Variants in DNAH17 observed in about 807,000 individuals in gnomAD.
The protein encoded by DNAH17 is axonemal beta dynein heavy chain 17.
DNAH17 carries 376 observed loss-of-function variants against 485.6 expected under a neutral mutation model. The ratio of observed to expected loss-of-function variants is 0.77; its 90% CI spans 0.71 to 0.84. The LOEUF (loss-of-function observed/expected upper bound fraction) is 0.84. Among genes scored for constraint, DNAH17 ranks in the 40% least tolerant of loss-of-function variants. DNAH17 has a pLI of 0.00. For synonymous variants in DNAH17, 3,031 were observed against 2,405.9 expected, an observed-to-expected ratio of 1.26 and a Z score of -7.60; for missense variants, 6,370 against 5,839.3, an observed-to-expected ratio of 1.09 and a Z score of -2.96.
At chr17:78,500,575 C>T (rs1408424608) in intron 35 of DNAH17, 114 bp from the exon 36 acceptor site, 5 of 1,068,522 alleles carry the variant, frequency 4.7e-6, no homozygotes, top group African/African-American at 3.3e-5. Flanking sequence ...GTGGTACAAT[C>T]TTGGCTCACT....
intron 16 of DNAH17, among the ~76,000 whole-genome samples, chr17:78,550,441 G>A (rs774486554): frequency 2.5e-4 from 2 of 8,144 alleles, no homozygotes; most frequent in South Asian, 2.9e-3. Flanking sequence ...GAATGCAATG[G>A]CATTTGGAGA....
chr17:78,535,539 C>T (rs1248432354), intron 19 of DNAH17, among the ~76,000 whole-genome samples: 2 of 152,220 alleles, frequency 1.3e-5, no homozygotes, highest in African/African-American at 2.4e-5. Flanking sequence ...CGCGTACACA[C>T]ACGAGCACAC....
rs148739521 is a variant in DNAH17, at chr17:78,481,305, G to A, written c.7650-519C>T. 3.0e-4 allele frequency among the ~76,000 whole-genome samples: 46 copies of A among 151,516 alleles called. No homozygotes were observed. In the East Asian group the frequency reaches 8.2e-3, roughly 27 times the overall value. Reference sequence around the variant, plus strand: ...CTTTTAGTAGAGACTGGGTTTCACCGTGTTAGCCAGGATGGTCTTGATCTC... The same window carrying A: ...CTTTTAGTAGAGACTGGGTTTCACCATGTTAGCCAGGATGGTCTTGATCTC... On this transcript the variant is annotated intron_variant, in intron 48 of 80. Transcript: ENST00000389840.
intron 9 of DNAH17, 39 bp from the exon 10 acceptor site, chr17:78,567,205 A>G (rs1364409997): frequency 2.3e-5 from 36 of 1,560,042 alleles, no homozygotes; most frequent in Non-Finnish European, 3.1e-5. Context: ...CATCTTCACA[A>G]CCCAACTCAC....
chr17:78,457,466 T>A (rs1034781309), intron 62 of DNAH17, among the ~76,000 whole-genome samples: 9 of 152,192 alleles, frequency 5.9e-5, no homozygotes, highest in African/African-American at 2.2e-4. Context: ...ACCTCATTGA[T>A]AATTTTTATA....
intron 62 of DNAH17, among the ~76,000 whole-genome samples, chr17:78,457,846 A>G (rs1019073916): frequency 6.6e-6 from 1 of 151,960 alleles, no homozygotes; most frequent in Non-Finnish European, 1.5e-5. Flanking sequence ...TTTTTAGTAG[A>G]GACAGGGTTT....
Position 78,507,667 on chromosome 17 carries a change from G to T in DNAH17, c.4375C>A (p.Leu1459Met). The T allele has an allele frequency of 1.2e-6, 2 of 1,613,562 alleles. No homozygotes were observed. Among genetic ancestry groups the T allele is most frequent in the Non-Finnish European group, 8.5e-7 (1 of 1,180,008 alleles). ...LEDNQVQLQN[L>M]MMSKYLAHFL... Reference sequence around the variant, plus strand: ...TGGGCCAGGTACTTGGACATCATCAGGTTCTGCAGCTGCACCTGGTTGTCC... The same window carrying T: ...TGGGCCAGGTACTTGGACATCATCATGTTCTGCAGCTGCACCTGGTTGTCC... The change falls in exon 28 of 81, where the codon CTG becomes ATG. Residue 1459 changes from leucine (L) to methionine (M), a missense_variant. Transcript: ENST00000389840.
rs767951871 is a variant in DNAH17, at chr17:78,544,014, G to C, written c.2392-17C>G. 6.2e-7 allele frequency: 1 copy of C among 1,613,794 alleles called. No homozygotes were observed. Among genetic ancestry groups the C allele is most frequent in the African/African-American group, 1.3e-5 (1 of 74,926 alleles). ...CGACCAGTCCTGGAAGGAAAGCACA[G>C]GAGTGAGAAAAGGTGTTCTGGAGAA... On this transcript the variant is annotated splice_polypyrimidine_tract_variant and intron_variant, in intron 16 of 80. Coordinates refer to ENST00000389840, the MANE Select transcript of DNAH17 (RefSeq NM_173628.4).
chr17:78,501,903 C>A (rs1384451740), intron 33 of DNAH17, 30 bp from the exon 34 acceptor site: 15 of 1,612,616 alleles, frequency 9.3e-6, no homozygotes, highest in Non-Finnish European at 1.3e-5. Context: ...CGATGAGACA[C>A]CACGGGTGCC....
intron 7 of DNAH17, among the ~76,000 whole-genome samples, chr17:78,570,031 G>A (rs960577839): frequency 6.6e-5 from 10 of 152,184 alleles, no homozygotes; most frequent in East Asian, 1.9e-4. Flanking sequence ...CTCTGTCCCC[G>A]TCTTCCCTTT....
chr17:78,458,821 G>A (rs2146523426), intron 61 of DNAH17, 141 bp from the exon 62 acceptor site: 3 of 1,023,888 alleles, frequency 2.9e-6, no homozygotes, highest in Non-Finnish European at 4.5e-6. Context: ...GAGCATGGAG[G>A]CTAAGGACAC....
chr17:78,479,655 T>C (rs777733381), intron 49 of DNAH17, 23 bp from the exon 50 acceptor site: 10 of 1,610,608 alleles, frequency 6.2e-6, no homozygotes, highest in South Asian at 1.1e-5. Context: ...AACCAAACAC[T>C]CCAGTCAGCC....
intron 44 of DNAH17, among the ~76,000 whole-genome samples, chr17:78,487,155 G>C (rs575569797): frequency 3.9e-5 from 6 of 152,310 alleles, no homozygotes; most frequent in Admixed American, 3.9e-4. Context: ...ACGGCGGTGA[G>C]GGGTGTGGAC....
At chr17:78,459,508 G>A (rs8071890) in intron 60 of DNAH17, among the ~76,000 whole-genome samples, 5 of 152,224 alleles carry the variant, frequency 3.3e-5, no homozygotes, top group Non-Finnish European at 7.3e-5. Context: ...GACGGTATTC[G>A]TGTGTGCAAT....
intron 57 of DNAH17, 94 bp from the exon 58 acceptor site, chr17:78,461,802 G>T: frequency 8.0e-7 from 1 of 1,243,326 alleles, no homozygotes; most frequent in Non-Finnish European, 1.1e-6. Context: ...GCCACAGAGG[G>T]GCAGAACGGC....
At chr17:78,485,796 C>T in intron 46 of DNAH17, 39 bp from the exon 47 acceptor site, 1 of 1,603,852 alleles carries the variant, frequency 6.2e-7, no homozygotes, top group South Asian at 1.1e-5. Context: ...CTGTGATTCT[C>T]AGACACTTCT....
intron 16 of DNAH17, among the ~76,000 whole-genome samples, chr17:78,546,631 C>G (rs1470738342): frequency 1.3e-5 from 2 of 152,172 alleles, no homozygotes; most frequent in Admixed American, 1.3e-4. Context: ...TGCAGCTGGG[C>G]ATGGTGATTC....
intron 71 of DNAH17, among the ~76,000 whole-genome samples, chr17:78,443,391 A>T (rs746055524): frequency 6.6e-6 from 1 of 151,558 alleles, no homozygotes; most frequent in Non-Finnish European, 1.5e-5. Flanking sequence ...TTCTCCCTGG[A>T]CCTCGCTGCT....
intron 16 of DNAH17, among the ~76,000 whole-genome samples, chr17:78,549,837 G>A (rs551497648): frequency 2.9e-4 from 44 of 152,168 alleles, no homozygotes; most frequent in Non-Finnish European, 5.1e-4. Context: ...CCAACCCTCT[G>A]AGACCCTGCA....
Sources: allele counts gnomAD v4.1 joint callset (sites outside exome capture counted in the v4.1 genomes callset), GRCh38; gene constraint gnomAD v4.1.1; transcripts MANE v1.5; gene names NCBI Gene and HGNC (gene_info 2026-07-23, HGNC 2026-07-21).